SGCD: variants seen among roughly 807,000 people sequenced by gnomAD.
The protein encoded by SGCD is sarcoglycan delta.
In SGCD, 18 loss-of-function variants were observed where a neutral mutation model predicts 36.6. The observed-to-expected ratio is 0.49, with a 90% CI of 0.34 to 0.73. The LOEUF (loss-of-function observed/expected upper bound fraction) is 0.73, where lower values mean the gene tolerates loss of function less well. Among genes scored for constraint, SGCD ranks in the 30% least tolerant of loss-of-function variants. The pLI is 0.01. For missense variants in SGCD, 387 were observed against 346.7 expected (o/e 1.12, Z -0.92); for synonymous variants, 133 against 130.6 (o/e 1.02, Z -0.12).
chr5:155,814,043 A>G, the SGCD span, among the ~76,000 whole-genome samples: 1 of 152,190 alleles, frequency 6.6e-6, no homozygotes, highest in Non-Finnish European at 1.5e-5. Context: ...GTGTGGGGGA[A>G]TGGGCACCTA....
At chr5:156,026,810 A>G (rs1759234835) in intron 1 of SGCD, among the ~76,000 whole-genome samples, 1 of 152,198 alleles carries the variant, frequency 6.6e-6, no homozygotes, top group South Asian at 2.1e-4. Flanking sequence ...CTGATGGCTT[A>G]CACCAGGAGT....
intron 3 of SGCD, among the ~76,000 whole-genome samples, chr5:156,418,585 T>C (rs1423893644): frequency 6.6e-6 from 1 of 152,218 alleles, no homozygotes; most frequent in Non-Finnish European, 1.5e-5. Context: ...TTCTGGATCT[T>C]GCATTTATGG....
intron 3 of SGCD, among the ~76,000 whole-genome samples, chr5:156,263,196 A>C: frequency 6.6e-6 from 1 of 152,018 alleles, no homozygotes; most frequent in East Asian, 1.9e-4. Flanking sequence ...TGTTTTCTAT[A>C]GTGGTTGTAC....
At chr5:156,141,288 CAG>C (rs34571631) in intron 3 of SGCD, among the ~76,000 whole-genome samples, 7,182 of 152,236 alleles carry the variant, frequency 0.047, 580 homozygotes, top group African/African-American at 0.16. Flanking sequence ...CGGGTCACCA[CAG>C]AGAGTCCCAG....
chr5:156,099,589 A>C (rs1247096213), intron 1 of SGCD, among the ~76,000 whole-genome samples: 1 of 151,910 alleles, frequency 6.6e-6, no homozygotes, highest in Non-Finnish European at 1.5e-5. Context: ...TAATTTTTGT[A>C]TTTTTAGTAG....
intron 2 of SGCD, among the ~76,000 whole-genome samples, chr5:156,336,948 C>T (rs1027450431): frequency 6.6e-6 from 1 of 152,160 alleles, no homozygotes; most frequent in African/African-American, 2.4e-5. Context: ...TGGGCTAGTT[C>T]ACATAAATAG....
intron 2 of SGCD, among the ~76,000 whole-genome samples, chr5:156,341,676 A>C (rs1197462961): frequency 6.6e-6 from 1 of 152,158 alleles, no homozygotes; most frequent in Non-Finnish European, 1.5e-5. Flanking sequence ...ATTGTTACTT[A>C]ACCTGAGTAC....
chr5:155,833,053 C>CAAA, the SGCD span, among the ~76,000 whole-genome samples: 5,386 of 90,102 alleles, frequency 0.06, 442 homozygotes, highest in African/African-American at 0.2. Flanking sequence ...ACTAAAAATA[C>CAAA]GAAAAAAAAA....
At chr5:156,540,232 T>C (rs1394058903) in intron 4 of SGCD, among the ~76,000 whole-genome samples, 1 of 152,142 alleles carries the variant, frequency 6.6e-6, no homozygotes. Context: ...AGAAATATTG[T>C]ATGTAAAGCA....
At chr5:155,751,009 G>C in the SGCD span, among the ~76,000 whole-genome samples, 41,690 of 151,876 alleles carry the variant, frequency 0.27, 7,245 homozygotes, top group East Asian at 0.42. Context: ...AATTGCTACA[G>C]AACTCCTTAG....
intron 6 of SGCD, among the ~76,000 whole-genome samples, chr5:156,625,400 C>T (rs1339127367): frequency 6.6e-6 from 1 of 152,038 alleles, no homozygotes; most frequent in Non-Finnish European, 1.5e-5. Flanking sequence ...TTGATAACTA[C>T]CATCATTTCA....
At chr5:156,539,371 T>C (rs963536368) in intron 4 of SGCD, among the ~76,000 whole-genome samples, 1 of 151,992 alleles carries the variant, frequency 6.6e-6, no homozygotes, top group African/African-American at 2.4e-5. Context: ...CTGAGAAGTA[T>C]ACACAGTACC....
chr5:156,194,304 G>C (rs1478120474), intron 3 of SGCD, among the ~76,000 whole-genome samples: 1 of 152,120 alleles, frequency 6.6e-6, no homozygotes, highest in Non-Finnish European at 1.5e-5. Flanking sequence ...TCTTGGGCCT[G>C]GGAGGTAGAG....
intron 3 of SGCD, among the ~76,000 whole-genome samples, chr5:156,421,030 C>T (rs1463152046): frequency 6.6e-6 from 1 of 151,644 alleles, no homozygotes; most frequent in Non-Finnish European, 1.5e-5. Context: ...ACTCTTATTT[C>T]CCTTAAATCA....
chr5:155,866,284 A>G (rs970963312), upstream of SGCD, among the ~76,000 whole-genome samples: 1 of 152,150 alleles, frequency 6.6e-6, no homozygotes. Flanking sequence ...TGAAGAATAC[A>G]ATGATCCCTA....
intron 1 of SGCD, among the ~76,000 whole-genome samples, chr5:156,049,689 CCTT>C (rs1338177457): frequency 6.8e-6 from 1 of 146,440 alleles, no homozygotes; most frequent in African/African-American, 2.5e-5. Context: ...ACATTGAAAA[CCTT>C]CTGGAATGGA....
At chr5:155,868,552 G>A (rs1414534982), upstream of SGCD, among the ~76,000 whole-genome samples, 1 of 151,828 alleles carries the variant, frequency 6.6e-6, no homozygotes, top group East Asian at 1.9e-4. Context: ...CCTCATGTGA[G>A]GTCTCAGTAA....
At chr5:156,073,433 T>TA (rs916566225) in intron 1 of SGCD, among the ~76,000 whole-genome samples, 4 of 152,156 alleles carry the variant, frequency 2.6e-5, no homozygotes, top group African/African-American at 9.7e-5. Context: ...AATGATGGTT[T>TA]ATGCCTGTAG....
At chr5:156,103,955 G>A (rs967394675) in intron 1 of SGCD, among the ~76,000 whole-genome samples, 5 of 152,168 alleles carry the variant, frequency 3.3e-5, no homozygotes, top group African/African-American at 9.6e-5. Flanking sequence ...TTTAAAGTGT[G>A]CATGCAGAAG....
Sources: gnomAD v4.1 joint callset for allele counts (sites outside exome capture counted in the v4.1 genomes callset) on GRCh38, gnomAD v4.1.1 for gene constraint, MANE v1.5 for transcripts, NCBI Gene and HGNC (gene_info 2026-07-23, HGNC 2026-07-21) for gene names.